The following DACH1 variants were observed in gnomAD, a reference collection of about 807,000 sequenced individuals.
The protein encoded by DACH1 is dachshund family transcription factor 1.
DACH1 carries 12 observed loss-of-function variants against 54.2 expected under a neutral mutation model. The ratio of observed to expected loss-of-function variants is 0.22; its 90% CI spans 0.14 to 0.36. The LOEUF (loss-of-function observed/expected upper bound fraction) is 0.36. DACH1 is among the 10% of genes least tolerant of loss of function. The pLI, the probability that DACH1 is intolerant of heterozygous loss-of-function variation, is 1.00. For missense variants in DACH1, 805 were observed against 929.8 expected (o/e 0.87, Z 1.75); for synonymous variants, 386 against 366.2 (o/e 1.05, Z -0.62).
At chr13:71,635,994 G>C (rs1314883763) in intron 2 of DACH1, among the ~76,000 whole-genome samples, 1 of 152,064 alleles carries the variant, frequency 6.6e-6, no homozygotes, top group African/African-American at 2.4e-5. Flanking sequence ...ATGTTGGATA[G>C]GCTGGTCTCG....
Position 71,866,311 on chromosome 13 carries a change from A to G in DACH1, c.459T>C (p.Ser153=), listed in dbSNP as rs551935140. The G allele has an allele frequency of 8.2e-5, 127 of 1,541,618 alleles. No individual in the cohort carries two copies. Among genetic ancestry groups the G allele is most frequent in the South Asian group, 1.3e-4 (11 of 84,326 alleles). The change falls in exon 1 of 11, where the codon AGT becomes AGC. Residue 153 remains serine, a synonymous_variant. Transcript: ENST00000613252. ...TGCTGCTACTGCTGCTGCTGCTACT[A>G]CTGCTGCTGCTGCTGCTGCTGCTAC... ...SSSSSSSSSS[S]SSSSSSSSSS...
At chr13:71,589,177 C>T (rs553119347) in intron 3 of DACH1, among the ~76,000 whole-genome samples, 1 of 151,988 alleles carries the variant, frequency 6.6e-6, no homozygotes, top group African/African-American at 2.4e-5. Context: ...TAAAATGGTA[C>T]TTAGAAGGTT....
intron 10 of DACH1, among the ~76,000 whole-genome samples, chr13:71,453,115 G>T (rs1224099263): frequency 6.6e-6 from 1 of 152,124 alleles, no homozygotes; most frequent in Non-Finnish European, 1.5e-5. Context: ...GTGAGAATGG[G>T]GTACTTTGCA....
At chr13:71,698,116 C>T (rs982520857) in intron 1 of DACH1, among the ~76,000 whole-genome samples, 1 of 151,906 alleles carries the variant, frequency 6.6e-6, no homozygotes, top group Non-Finnish European at 1.5e-5. Context: ...TGCTAAAACC[C>T]GGGAGGTGCA....
At chr13:71,689,714 C>G (rs1881377265) in intron 1 of DACH1, among the ~76,000 whole-genome samples, 1 of 152,000 alleles carries the variant, frequency 6.6e-6, no homozygotes, top group Non-Finnish European at 1.5e-5. Context: ...GGAATTACCC[C>G]CAAAGAAAGA....
chr13:71,801,985 A>G (rs1419584305), intron 1 of DACH1, among the ~76,000 whole-genome samples: 1 of 152,158 alleles, frequency 6.6e-6, no homozygotes, highest in East Asian at 1.9e-4. Context: ...CATCTGTCAG[A>G]GAGAAACAAA....
intron 1 of DACH1, among the ~76,000 whole-genome samples, chr13:71,746,741 G>T (rs1194600329): frequency 2.0e-5 from 3 of 152,192 alleles, no homozygotes; most frequent in African/African-American, 7.2e-5. Flanking sequence ...TTCACTGGTT[G>T]CTCATGTAAG....
chr13:71,663,482 C>A (rs1245405592), intron 2 of DACH1, among the ~76,000 whole-genome samples: 1 of 151,914 alleles, frequency 6.6e-6, no homozygotes, highest in East Asian at 1.9e-4. Flanking sequence ...CAGATACATG[C>A]TTTCTGGTCA....
At chr13:71,673,680 A>G (rs1229605784) in intron 2 of DACH1, among the ~76,000 whole-genome samples, 2 of 152,166 alleles carry the variant, frequency 1.3e-5, no homozygotes, top group Non-Finnish European at 2.9e-5. Flanking sequence ...TAATGGGTGC[A>G]GCAAACCACC....
intron 6 of DACH1, among the ~76,000 whole-genome samples, chr13:71,554,789 G>C (rs566303055): frequency 6.6e-6 from 1 of 152,236 alleles, no homozygotes; most frequent in East Asian, 1.9e-4. Flanking sequence ...AACATGCCTA[G>C]ATCATCAACC....
intron 3 of DACH1, among the ~76,000 whole-genome samples, chr13:71,602,643 A>C (rs1206380716): frequency 6.6e-6 from 1 of 152,066 alleles, no homozygotes; most frequent in Non-Finnish European, 1.5e-5. Flanking sequence ...ATGTGCATCT[A>C]GTAAAACACT....
At chr13:71,713,626 A>G (rs960311963) in intron 1 of DACH1, among the ~76,000 whole-genome samples, 1 of 152,182 alleles carries the variant, frequency 6.6e-6, no homozygotes, top group African/African-American at 2.4e-5. Context: ...ATGTTCTTCT[A>G]CAGGCAATAA....
chr13:71,711,669 A>C (rs1233002699), intron 1 of DACH1, among the ~76,000 whole-genome samples: 1 of 152,144 alleles, frequency 6.6e-6, no homozygotes, highest in African/African-American at 2.4e-5. Flanking sequence ...TATCCTTCAC[A>C]TGTTAAAAGA....
chr13:71,599,350 T>G (rs530121572), intron 3 of DACH1, among the ~76,000 whole-genome samples: 79 of 152,280 alleles, frequency 5.2e-4, no homozygotes, highest in African/African-American at 1.8e-3. Flanking sequence ...ATTCAGGTAT[T>G]AAAGAGGTTT....
chr13:71,465,091 T>G (rs1876446731), intron 10 of DACH1, among the ~76,000 whole-genome samples: 1 of 152,054 alleles, frequency 6.6e-6, no homozygotes, highest in South Asian at 2.1e-4. Flanking sequence ...TCCCTAACCA[T>G]GGGAGGTAGG....
intron 10 of DACH1, among the ~76,000 whole-genome samples, chr13:71,449,275 G>A (rs1210600373): frequency 6.6e-6 from 1 of 151,988 alleles, no homozygotes; most frequent in African/African-American, 2.4e-5. Flanking sequence ...GCAGTGAGCC[G>A]AGATCGAACC....
rs747592223 is a variant in DACH1, at chr13:71,475,196, T to A, written c.2028A>T (p.Pro676=). 6.2e-7 allele frequency: 1 copy of A among 1,613,870 alleles called. No individual in the cohort carries two copies. Among genetic ancestry groups the A allele is most frequent in the South Asian group, 1.1e-5 (1 of 91,066 alleles). ...CGCCACTGCGGTCAGCCTCTATCTCTGGGGTCAGAGAGTCTAAAAGCACAG... is the reference window on the plus strand; with the variant it reads ...CGCCACTGCGGTCAGCCTCTATCTCAGGGGTCAGAGAGTCTAAAAGCACAG... The part of the protein sequence containing the change: ...SLRVLNDSLT[P]EIEADRSGGR... The change falls in exon 10 of 11, where the codon CCA becomes CCT. Residue 676 remains proline, a synonymous_variant. Transcript: ENST00000613252.
chr13:71,830,625 A>G (rs192215093), intron 1 of DACH1, among the ~76,000 whole-genome samples: 3 of 151,968 alleles, frequency 2.0e-5, no homozygotes, highest in Non-Finnish European at 2.9e-5. Flanking sequence ...CCAGTCTAAT[A>G]TCCTTCGAGA....
intron 6 of DACH1, among the ~76,000 whole-genome samples, chr13:71,543,781 T>A (rs1159169573): frequency 6.6e-6 from 1 of 152,190 alleles, no homozygotes; most frequent in Non-Finnish European, 1.5e-5. Flanking sequence ...ACATAGGTCA[T>A]GCGTAGTCTC....
Sources: gnomAD v4.1 joint callset for allele counts (sites outside exome capture counted in the v4.1 genomes callset) on GRCh38, gnomAD v4.1.1 for gene constraint, MANE v1.5 for transcripts, NCBI Gene and HGNC (gene_info 2026-07-23, HGNC 2026-07-21) for gene names.